The following PCDHA10 variants were observed in gnomAD, a reference collection of about 807,000 sequenced individuals.
PCDHA10 encodes the protein protocadherin alpha-10.
In PCDHA10, 45 loss-of-function variants were observed where a neutral mutation model predicts 61.2. The observed-to-expected ratio is 0.74, with a 90% CI of 0.58 to 0.94. The LOEUF is 0.94. PCDHA10 is among the 40% of genes least tolerant of loss of function. The pLI is 0.00. For synonymous variants in PCDHA10, 602 were observed against 548.8 expected (o/e 1.10, Z -1.35); for missense variants, 1,278 against 1,236.2 (o/e 1.03, Z -0.51).
intron 1 of PCDHA10, among the ~76,000 whole-genome samples, chr5:140,978,653 G>T (rs527551897): frequency 6.6e-6 from 1 of 152,196 alleles, no homozygotes; most frequent in Non-Finnish European, 1.5e-5. Flanking sequence ...TGTTCTTCCC[G>T]TAGTGTTTTA....
chr5:140,980,455 C>T (rs1412427414), intron 2 of PCDHA10, among the ~76,000 whole-genome samples: 1 of 152,086 alleles, frequency 6.6e-6, no homozygotes, highest in African/African-American at 2.4e-5. Context: ...CACGGTGAAA[C>T]CCTGTCTCTA....
At chr5:140,984,307 G>T (rs2153833813) in intron 3 of PCDHA10, among the ~76,000 whole-genome samples, 1 of 152,288 alleles carries the variant, frequency 6.6e-6, no homozygotes, top group Non-Finnish European at 1.5e-5. Context: ...GCTGGTTGGT[G>T]TGTATTCCTA....
At chr5:140,968,810 G>C in intron 1 of PCDHA10, 1 of 1,614,186 alleles carries the variant, frequency 6.2e-7, no homozygotes, top group Non-Finnish European at 8.5e-7. Flanking sequence ...AGCTGTGGTG[G>C]ATAGGGTTTC....
At chr5:140,951,407 A>C (rs115221257) in intron 1 of PCDHA10, among the ~76,000 whole-genome samples, 1 of 152,068 alleles carries the variant, frequency 6.6e-6, no homozygotes, top group Admixed American at 6.6e-5. Flanking sequence ...AAAGAGGTTT[A>C]ATTGGCTCAC....
At chr5:140,956,906 A>G (rs2095319439) in intron 1 of PCDHA10, among the ~76,000 whole-genome samples, 1 of 152,218 alleles carries the variant, frequency 6.6e-6, no homozygotes, top group Non-Finnish European at 1.5e-5. Flanking sequence ...TCTTAAATGT[A>G]TAAACTTTAA....
intron 1 of PCDHA10, among the ~76,000 whole-genome samples, chr5:140,972,752 C>A (rs1332478312): frequency 1.3e-5 from 2 of 151,214 alleles, no homozygotes; most frequent in Non-Finnish European, 2.9e-5. Context: ...CAACCTCCGC[C>A]TCCCAAGTTA....
chr5:140,969,428 CAA>C lies in PCDHA10; in HGVS notation c.2389-9520_2389-9519del, dbSNP rs2096329692. The stretch of plus-strand genomic sequence containing the variant: ...GGCTTTATTGAGTCATTAACAGTGA[CAA>C]GAGTTATCTGGTAAACTGAGTATAT... On this transcript the variant is annotated intron_variant, in intron 1 of 3. Coordinates refer to ENST00000307360, the MANE Select transcript of PCDHA10 (RefSeq NM_018901.4). 8.4e-6 allele frequency: 13 copies of C among 1,555,028 alleles called. No homozygotes were observed. The East Asian group carries it at 1.4e-4, about 17-fold the overall frequency.
intron 1 of PCDHA10, among the ~76,000 whole-genome samples, chr5:140,957,344 G>A (rs994510401): frequency 5.9e-5 from 9 of 152,114 alleles, no homozygotes; most frequent in Non-Finnish European, 1.2e-4. Context: ...TATTTTGAGA[G>A]AGAGACCACA....
Position 140,969,193 on chromosome 5 carries a change from C to T in PCDHA10, c.2389-9756C>T, listed in dbSNP as rs1232655466. The T allele has an allele frequency of 8.1e-6, 13 of 1,614,002 alleles. No homozygotes were observed. In the African/African-American group the frequency reaches 1.2e-4, roughly 15 times the overall value. ...CAGGGAGTGACACTTTCATGTTTTA[C>T]AATACAGGGGCCCAGACAGGACCAG... is the stretch of plus-strand genomic sequence containing the variant. On this transcript the variant is annotated intron_variant, in intron 1 of 3. Transcript: ENST00000307360.
intron 1 of PCDHA10, among the ~76,000 whole-genome samples, chr5:140,951,868 G>A (rs1325001328): frequency 2.6e-5 from 4 of 152,132 alleles, no homozygotes; most frequent in African/African-American, 9.7e-5. Flanking sequence ...AGTCTCATCT[G>A]AGACAAGGCA....
intron 1 of PCDHA10, among the ~76,000 whole-genome samples, chr5:140,906,171 C>T (rs2072420841): frequency 6.6e-6 from 1 of 152,178 alleles, no homozygotes; most frequent in Non-Finnish European, 1.5e-5. Flanking sequence ...AGGAACAATA[C>T]TTTGCATCCT....
chr5:140,928,372 G>T (rs782494631), intron 1 of PCDHA10: 5 of 1,614,136 alleles, frequency 3.1e-6, no homozygotes, highest in Non-Finnish European at 4.2e-6. Flanking sequence ...AGGGCCATCA[G>T]CCTCTAGCTT....
At chr5:140,967,970 C>T (rs2096204544) in intron 1 of PCDHA10, 2 of 1,614,202 alleles carry the variant, frequency 1.2e-6, no homozygotes, top group South Asian at 2.2e-5. Context: ...GAAAGTGAGC[C>T]TGGGTCTGGA....
At chr5:140,988,294 G>A (rs2097291713) in intron 3 of PCDHA10, among the ~76,000 whole-genome samples, 1 of 152,206 alleles carries the variant, frequency 6.6e-6, no homozygotes, top group South Asian at 2.1e-4. Context: ...TGACAGCCCA[G>A]GAGTGCCAGC....
chr5:140,869,936 C>T (rs1554163630), intron 1 of PCDHA10: 1 of 1,611,844 alleles, frequency 6.2e-7, no homozygotes, highest in South Asian at 1.1e-5. Flanking sequence ...GGAGAGGTAA[C>T]ATACTCCTTA....
intron 1 of PCDHA10, among the ~76,000 whole-genome samples, chr5:140,930,607 G>T (rs536411934): frequency 2.4e-4 from 36 of 152,252 alleles, no homozygotes; most frequent in African/African-American, 7.5e-4. Flanking sequence ...AATCCTAGAT[G>T]CAAGAGAAGG....
chr5:140,918,706 G>A (rs528090085), intron 1 of PCDHA10, among the ~76,000 whole-genome samples: 10 of 152,108 alleles, frequency 6.6e-5, no homozygotes, highest in Non-Finnish European at 1.5e-4. Context: ...AGTCATGAGG[G>A]CAGAGCCCTC....
chr5:140,924,293 C>T (rs2081770008), intron 1 of PCDHA10, among the ~76,000 whole-genome samples: 1 of 152,192 alleles, frequency 6.6e-6, no homozygotes, highest in African/African-American at 2.4e-5. Context: ...AATAGGCTGA[C>T]ATGTTTCCTC....
intron 1 of PCDHA10, chr5:140,967,579 C>T: frequency 7.4e-6 from 12 of 1,614,154 alleles, no homozygotes; most frequent in Non-Finnish European, 9.3e-6. Context: ...AGGACTCACC[C>T]CCAGGCACAT....
Sources: allele counts gnomAD v4.1 joint callset (sites outside exome capture counted in the v4.1 genomes callset), GRCh38; gene constraint gnomAD v4.1.1; transcripts MANE v1.5; gene names NCBI Gene and HGNC (gene_info 2026-07-23, HGNC 2026-07-21).